LAMB3: variants seen among roughly 807,000 people sequenced by gnomAD.
The protein encoded by LAMB3 is laminin subunit beta-3.
In LAMB3, 104 loss-of-function variants were observed where a neutral mutation model predicts 140.3. The ratio of observed to expected loss-of-function variants is 0.74; its 90% CI spans 0.63 to 0.87. The LOEUF (loss-of-function observed/expected upper bound fraction) is 0.87. Among genes scored for constraint, LAMB3 ranks in the 40% least tolerant of loss-of-function variants. LAMB3 has a pLI of 0.00. For missense variants in LAMB3, 1,531 were observed against 1,575.2 expected (o/e 0.97, Z 0.47); for synonymous variants, 592 against 602.9 (o/e 0.98, Z 0.26).
In LAMB3 at chr1:209,622,922, G is replaced by A. The variant is rs3737913; in HGVS notation, c.2556+60C>T. ...GTAAAATGGGAACTCTGACTTGCCC[G>A]GGGGATCTATCCTGTCTGCCTCCTC... On this transcript the variant is annotated intron_variant, in intron 17 of 22. Coordinates refer to ENST00000356082, the MANE Select transcript of LAMB3 (RefSeq NM_000228.3). 0.28 allele frequency: 434,180 copies of A among 1,575,948 alleles called. 61,369 individuals are homozygous for A. The highest frequency in any genetic ancestry group is 0.4 in the Admixed American group (23,887 of 59,962).
rs772446912 is a variant in LAMB3, at chr1:209,629,769, C to T, written c.1100G>A (p.Arg367His). 48 of 1,613,896 alleles carry T rather than the reference C, an allele frequency of 3.0e-5. No individual in the cohort carries two copies. The highest frequency in any genetic ancestry group is 3.5e-5 in the Non-Finnish European group (41 of 1,180,048). ...RCQLHYFRNRRPGASIQETCI... is the reference protein window; with the variant it reads ...RCQLHYFRNRHPGASIQETCI... ...GGTCTCCTGAATGGAAGCTCCCGGGCGCCGGTTCCGGAAATAGTGCAGCTG... is the reference window on the plus strand; with the variant it reads ...GGTCTCCTGAATGGAAGCTCCCGGGTGCCGGTTCCGGAAATAGTGCAGCTG... The change falls in exon 10 of 23, where the codon CGC becomes CAC. Residue 367 changes from arginine to histidine, a missense_variant. Arg to His is a conservative substitution (Grantham distance 29). Coordinates refer to ENST00000356082, the MANE Select transcript of LAMB3 (RefSeq NM_000228.3).
rs372967322 is a variant in LAMB3, at chr1:209,628,183, C to T, written c.1140G>A (p.Glu380=). 284 of 1,558,066 alleles carry T rather than the reference C, an allele frequency of 1.8e-4. 1 individual carries two copies. Among genetic ancestry groups the T allele is most frequent in the Non-Finnish European group, 2.4e-4 (273 of 1,150,468 alleles). Residue 380 remains glutamate (E), a synonymous_variant, in exon 11 of 23, where the codon GAG becomes GAA. Transcript: ENST00000356082. The stretch of plus-strand genomic sequence containing the variant: ...CTGGCACTGCCCCATCCGGATCACA[C>T]TCGCAGGCTGAGAGACAACAGCAGC... ...ASIQETCISC[E]CDPDGAVPGA... is the part of the protein sequence containing the mutation.
chr1:209,651,760 C>T (rs1173492395), intron 1 of LAMB3, among the ~76,000 whole-genome samples: 2 of 151,938 alleles, frequency 1.3e-5, no homozygotes, highest in Admixed American at 1.3e-4. Context: ...TGGAAACATG[C>T]CCCACCCTTG....
At chr1:209,622,440 G>T in intron 18 of LAMB3, 96 bp downstream of exon 18, 2 of 1,449,564 alleles carry the variant, frequency 1.4e-6, no homozygotes, top group Non-Finnish European at 1.9e-6. Flanking sequence ...GCAGGCCTGG[G>T]ACTAGGGAGG....
chr1:209,615,242 A>T lies in LAMB3; in HGVS notation c.*29T>A. On this transcript the variant is annotated 3_prime_UTR_variant, in exon 23 of 23. Coordinates refer to ENST00000356082, the MANE Select transcript of LAMB3 (RefSeq NM_000228.3). ...CAACCAAAAGCAAAGGCGGCAGATG[A>T]GTGGGGCAACGGGCTGGAAGCTGTA... The T allele has an allele frequency of 6.2e-7, 1 of 1,613,898 alleles. No individual in the cohort carries two copies. Among genetic ancestry groups the T allele is most frequent in the Non-Finnish European group, 8.5e-7 (1 of 1,180,018 alleles).
chr1:209,648,605 G>A (rs2076537694), intron 3 of LAMB3, among the ~76,000 whole-genome samples: 1 of 152,168 alleles, frequency 6.6e-6, no homozygotes, highest in Non-Finnish European at 1.5e-5. Flanking sequence ...GCATCAGAGA[G>A]GCAGAGGGCA....
At chr1:209,625,621 A>C in intron 14 of LAMB3, 27 bp downstream of exon 14, 1 of 1,614,016 alleles carries the variant, frequency 6.2e-7, no homozygotes, top group South Asian at 1.1e-5. Context: ...TAATTCTTGC[A>C]AATGCTTGGC....
intron 8 of LAMB3, 142 bp downstream of exon 8, chr1:209,632,441 G>A (rs1361856431): frequency 4.7e-6 from 3 of 633,852 alleles, no homozygotes; most frequent in South Asian, 4.5e-5. Context: ...AAACCACTTC[G>A]ATTTTTTGTT....
At position 209,627,386 on chromosome 1, in the gene LAMB3, G is replaced by T. The variant is rs764935884; in HGVS notation, c.1482C>A (p.Asn494Lys). Residue 494 changes from asparagine to lysine, a missense_variant, in exon 12 of 23, where the codon AAC becomes AAA. Asn to Lys is a moderately conservative substitution (Grantham distance 94). Coordinates refer to ENST00000356082, the MANE Select transcript of LAMB3 (RefSeq NM_000228.3). ...DPHNSLSPQC[N>K]QFTGQCPCRE... ...CCGGACCACCCTCACTTCGTACCTGGTTGCACTGTGGGCTGAGGGAGTTGT... is the reference window on the plus strand; with the variant it reads ...CCGGACCACCCTCACTTCGTACCTGTTTGCACTGTGGGCTGAGGGAGTTGT... The T allele has an allele frequency of 6.2e-7, 1 of 1,612,782 alleles. No homozygotes were observed. Among genetic ancestry groups the T allele is most frequent in the Non-Finnish European group, 8.5e-7 (1 of 1,179,268 alleles).
In LAMB3 at chr1:209,625,703, G is replaced by A. The variant is rs761318412; in HGVS notation, c.1921C>T (p.Pro641Ser). Residue 641 changes from proline to serine, a missense_variant, in exon 14 of 23, where the codon CCC becomes TCC. By Grantham distance (74) the Pro-to-Ser change is moderately conservative. Transcript: ENST00000356082. Reference sequence around the variant, plus strand: ...GCCACCTCCTGCTCTGTGACTGCGGGGCTGCTGAGAACTGCTCGGATCTGC... The same window carrying A: ...GCCACCTCCTGCTCTGTGACTGCGGAGCTGCTGAGAACTGCTCGGATCTGC... Reference protein sequence around the residue: ...IEQIRAVLSSPAVTEQEVAQV... With the variant: ...IEQIRAVLSSSAVTEQEVAQV... The A allele has an allele frequency of 2.0e-5, 32 of 1,614,048 alleles. No homozygotes were observed. The highest frequency in any genetic ancestry group is 2.6e-5 in the Non-Finnish European group (31 of 1,180,032).
intron 10 of LAMB3, 87 bp from the exon 11 acceptor site, chr1:209,628,277 T>C: frequency 6.9e-7 from 1 of 1,442,438 alleles, no homozygotes; most frequent in Admixed American, 2.0e-5. Flanking sequence ...CTGGTTCAAA[T>C]CCTTGTTCCA....
rs1255640509 is a variant in LAMB3, at chr1:209,618,579, C to G, written c.2782G>C (p.Val928Leu). The G allele has an allele frequency of 6.2e-7, 1 of 1,614,266 alleles. No homozygotes were observed. The highest frequency in any genetic ancestry group is 1.1e-5 in the South Asian group (1 of 91,088). Reference sequence around the variant, plus strand: ...TGGATCTCATTCATCTTCTGCAGAACAGTAGCTGAGTCTGTGGGCAGCCAC... The same window carrying G: ...TGGATCTCATTCATCTTCTGCAGAAGAGTAGCTGAGTCTGTGGGCAGCCAC... ...ALWLPTDSAT[V>L]LQKMNEIQAI... The change falls in exon 19 of 23, where the codon GTT (valine) becomes CTT (leucine). Residue 928 changes from valine to leucine, a missense_variant. Coordinates refer to ENST00000356082, the MANE Select transcript of LAMB3 (RefSeq NM_000228.3).
At chr1:209,633,762 C>A (rs75832978) in intron 6 of LAMB3, among the ~76,000 whole-genome samples, 9 of 152,182 alleles carry the variant, frequency 5.9e-5, no homozygotes, top group African/African-American at 1.2e-4. Context: ...CTCTGAGCAT[C>A]GGTCCACATG....
intron 2 of LAMB3, 29 bp downstream of exon 2, chr1:209,650,888 G>A (rs2076560845): frequency 1.2e-6 from 2 of 1,611,852 alleles, no homozygotes; most frequent in Non-Finnish European, 1.7e-6. Context: ...CATATAACAG[G>A]GCCTGGAAGG....
chr1:209,628,217 T>C (rs1181434275), intron 10 of LAMB3, 27 bp from the exon 11 acceptor site: 4 of 1,551,276 alleles, frequency 2.6e-6, no homozygotes, highest in South Asian at 2.4e-5. Context: ...GCCACCGCAG[T>C]AGGAACAAAG....
Position 209,622,605 on chromosome 1 carries a change from G to A in LAMB3, c.2632C>T (p.Arg878Cys), listed in dbSNP as rs199946321. The A allele has an allele frequency of 5.7e-5, 92 of 1,614,140 alleles. No homozygotes were observed. The highest frequency in any genetic ancestry group is 7.2e-5 in the Non-Finnish European group (85 of 1,180,032). The change falls in exon 18 of 23, where the codon CGC (arginine) becomes TGC (cysteine). Residue 878 changes from arginine (R) to cysteine (C), a missense_variant. Physicochemically the swap from Arg to Cys is radical, Grantham distance 180 (BLOSUM62 -3). Coordinates refer to ENST00000356082, the MANE Select transcript of LAMB3 (RefSeq NM_000228.3). ...CTGACATCTTCCTCCATCTGGGAGC[G>A]GCTGGCGCTCACCTGGGTCTCCAAG... ...QRLETQVSAS[R>C]SQMEEDVRRT... is the part of the protein sequence containing the mutation.
chr1:209,633,650 G>A (rs548065650), intron 6 of LAMB3, among the ~76,000 whole-genome samples: 2 of 152,294 alleles, frequency 1.3e-5, no homozygotes, highest in Admixed American at 1.3e-4. Flanking sequence ...TTCTTATCTG[G>A]TGTGTGAAGA....
chr1:209,624,176 A>G (rs1349406770), intron 14 of LAMB3, among the ~76,000 whole-genome samples, 176 bp from the exon 15 acceptor site: 1 of 152,212 alleles, frequency 6.6e-6, no homozygotes, highest in Non-Finnish European at 1.5e-5. Flanking sequence ...CTTGGCGACC[A>G]GCACAATCTT....
At chr1:209,632,847 T>G in intron 7 of LAMB3, 71 bp from the exon 8 acceptor site, 1 of 1,453,894 alleles carries the variant, frequency 6.9e-7, no homozygotes, top group African/African-American at 1.4e-5. Flanking sequence ...TAGAGGCACA[T>G]AGAGTCTCCT....
Sources: gnomAD v4.1 joint callset for allele counts (sites outside exome capture counted in the v4.1 genomes callset) on GRCh38, gnomAD v4.1.1 for gene constraint, MANE v1.5 for transcripts, NCBI Gene and HGNC (gene_info 2026-07-23, HGNC 2026-07-21) for gene names.